Variants in PCDHA2 observed in about 807,000 individuals in gnomAD.
The protein encoded by PCDHA2 is protocadherin alpha-2.
In PCDHA2, 58 loss-of-function variants were observed where a neutral mutation model predicts 66.0. The ratio of observed to expected loss-of-function variants is 0.88; its 90% CI spans 0.71 to 1.09. The LOEUF is 1.09. PCDHA2 is among the 50% of genes least tolerant of loss of function. PCDHA2 has a pLI of 0.00. For missense variants in PCDHA2, 1,267 were observed against 1,242.3 expected (o/e 1.02, Z -0.30); for synonymous variants, 634 against 554.0 (o/e 1.14, Z -2.03).
chr5:140,872,919 A>G (rs1554166439), intron 1 of PCDHA2, among the ~76,000 whole-genome samples: 1 of 152,176 alleles, frequency 6.6e-6, no homozygotes, highest in Non-Finnish European at 1.5e-5. Flanking sequence ...GTAATGCCTT[A>G]TCTCTAATGT....
At chr5:140,846,379 T>C (rs1554141291) in intron 1 of PCDHA2, among the ~76,000 whole-genome samples, 2 of 135,592 alleles carry the variant, frequency 1.5e-5, no homozygotes, top group South Asian at 2.3e-4. Context: ...CTTTCTTTTT[T>C]TTTTTTTTTT....
intron 1 of PCDHA2, among the ~76,000 whole-genome samples, chr5:140,975,576 C>G (rs1170899911): frequency 6.6e-6 from 1 of 152,208 alleles, no homozygotes; most frequent in Non-Finnish European, 1.5e-5. Flanking sequence ...TATATGCAGT[C>G]TCATGTCCCA....
intron 1 of PCDHA2, among the ~76,000 whole-genome samples, chr5:140,900,590 G>A (rs984247729): frequency 3.3e-5 from 5 of 152,174 alleles, no homozygotes; most frequent in South Asian, 2.1e-4. Flanking sequence ...TTCTTTACCC[G>A]TTCATCTGAT....
chr5:140,807,612 T>C (rs782576297), intron 1 of PCDHA2: 2 of 1,614,130 alleles, frequency 1.2e-6, no homozygotes, highest in Admixed American at 1.7e-5. Context: ...AACCTGTCCA[T>C]CGCGGAATCC....
intron 1 of PCDHA2, chr5:140,929,103 G>A: frequency 6.2e-7 from 1 of 1,614,180 alleles, no homozygotes; most frequent in African/African-American, 1.3e-5. Flanking sequence ...ATCCTTGCAT[G>A]ACATCAGCCA....
chr5:140,926,798 C>T (rs1584463033), intron 1 of PCDHA2: 2 of 1,455,342 alleles, frequency 1.4e-6, no homozygotes, highest in East Asian at 2.5e-5. Context: ...GGAGCGTGCT[C>T]TTCCCCGCGG....
At chr5:140,847,783 T>G (rs1360011396) in intron 1 of PCDHA2, 1 of 149,840 alleles carries the variant, frequency 6.7e-6, no homozygotes, top group Non-Finnish European at 1.5e-5. Flanking sequence ...TCGCTTTTCT[T>G]GCAATATTTT....
intron 1 of PCDHA2, chr5:140,875,439 G>C (rs375983329): frequency 3.8e-6 from 6 of 1,569,382 alleles, no homozygotes; most frequent in East Asian, 2.3e-5. Flanking sequence ...CCTTAAAACT[G>C]ATTGTCCCAA....
Position 140,862,369 on chromosome 5 carries a change from C to A in PCDHA2, c.2388+65017C>A, listed in dbSNP as rs1265761765. On this transcript the variant is annotated intron_variant, in intron 1 of 3. Coordinates refer to ENST00000526136, the MANE Select transcript of PCDHA2 (RefSeq NM_018905.3). ...GTGCCAAGGGACAGACGACCCGCAC[C>A]CTGACTCCTCACGTCTCTTCAAGCT... The A allele has an allele frequency of 1.8e-5, 6 of 341,324 alleles. No individual in the cohort carries two copies. In the Admixed American group the frequency reaches 2.3e-4, roughly 13 times the overall value. The allele number at this position is 341,324 out of a possible 1,614,324, so 21.1% of individuals were successfully genotyped here. A position where few individuals can be genotyped will look rare whatever the true frequency, so the allele number is the denominator to read the frequency against.
At chr5:140,809,077 G>C (rs1554124986) in intron 1 of PCDHA2, 2 of 1,613,962 alleles carry the variant, frequency 1.2e-6, no homozygotes, top group South Asian at 2.2e-5. Context: ...ACACTGGCGA[G>C]ATCAGCACAA....
At chr5:140,807,461 C>T in intron 1 of PCDHA2, 1 of 1,608,438 alleles carries the variant, frequency 6.2e-7, no homozygotes, top group Admixed American at 1.7e-5. Context: ...TCGGATCGAC[C>T]GGGAGGAGCT....
intron 1 of PCDHA2, chr5:140,850,070 C>G: frequency 6.3e-7 from 1 of 1,596,564 alleles, no homozygotes; most frequent in Non-Finnish European, 8.6e-7. Context: ...CGTTGGACCA[C>G]GAGGAGCTGG....
At chr5:140,883,128 C>G (rs782352091) in intron 1 of PCDHA2, 1 of 1,614,060 alleles carries the variant, frequency 6.2e-7, no homozygotes, top group Non-Finnish European at 8.5e-7. Flanking sequence ...CCTGTATGGC[C>G]TGCAGTGGTA....
chr5:140,843,412 C>A, intron 1 of PCDHA2: 3 of 1,596,066 alleles, frequency 1.9e-6, no homozygotes, highest in Non-Finnish European at 2.6e-6. Flanking sequence ...TGGATGTCAA[C>A]GTGTACCTGA....
chr5:140,953,340 C>T (rs2094876353), intron 1 of PCDHA2, among the ~76,000 whole-genome samples: 1 of 152,066 alleles, frequency 6.6e-6, no homozygotes, highest in Non-Finnish European at 1.5e-5. Context: ...TAGGGCTCAC[C>T]TTCTTTTGTT....
At chr5:140,808,357 G>C in intron 1 of PCDHA2, 1 of 1,614,204 alleles carries the variant, frequency 6.2e-7, no homozygotes, top group Non-Finnish European at 8.5e-7. Context: ...GCTCCTTGAC[G>C]TCCCACGTCC....
intron 1 of PCDHA2, chr5:140,969,060 A>T (rs2096292130): frequency 6.2e-7 from 1 of 1,614,012 alleles, no homozygotes. Context: ...AACAATATTG[A>T]TGCCAGGATA....
At chr5:140,920,636 G>C (rs1477753704) in intron 1 of PCDHA2, among the ~76,000 whole-genome samples, 1 of 152,096 alleles carries the variant, frequency 6.6e-6, no homozygotes, top group Non-Finnish European at 1.5e-5. Context: ...ACAAGGTCAA[G>C]AGATTGAGAC....
intron 1 of PCDHA2, chr5:140,876,199 G>A (rs1343468592): frequency 6.2e-7 from 1 of 1,613,822 alleles, no homozygotes; most frequent in African/African-American, 1.3e-5. Context: ...TCCGGCGTTT[G>A]ATAAGCCCAG....
Sources: gnomAD v4.1 joint callset for allele counts (sites outside exome capture counted in the v4.1 genomes callset) on GRCh38, gnomAD v4.1.1 for gene constraint, MANE v1.5 for transcripts, NCBI Gene and HGNC (gene_info 2026-07-23, HGNC 2026-07-21) for gene names.